Variants in TOX2 observed in about 807,000 individuals in gnomAD.
The protein encoded by TOX2 is granulosa cell HMG box 1.
In TOX2, 15 loss-of-function variants were observed where a neutral mutation model predicts 47.4. That is an observed-to-expected ratio of 0.32 (90% CI 0.21 to 0.49). TOX2 has a LOEUF of 0.49. Among genes scored for constraint, TOX2 ranks in the 20% least tolerant of loss-of-function variants. The probability of loss-of-function intolerance (pLI) is 0.99; values close to 1 mark genes in which losing one functional copy is unlikely to be tolerated. For missense variants in TOX2, 622 were observed against 673.1 expected (o/e 0.92, Z 0.84); for synonymous variants, 290 against 296.6 (o/e 0.98, Z 0.23).
chr20:44,039,715 T>C (rs2071301260), intron 3 of TOX2, among the ~76,000 whole-genome samples: 1 of 152,176 alleles, frequency 6.6e-6, no homozygotes, highest in South Asian at 2.1e-4. Context: ...GTGGATGTGA[T>C]CCGGGAAGGA....
intron 1 of TOX2, among the ~76,000 whole-genome samples, chr20:43,966,365 A>G (rs970593048): frequency 1.3e-5 from 2 of 152,174 alleles, no homozygotes; most frequent in Non-Finnish European, 1.5e-5. Context: ...TTAAGGTTGG[A>G]GTTTGTAGCC....
chr20:43,951,469 C>T lies in TOX2; in HGVS notation c.100-21898C>T, dbSNP rs60922020. 8.6e-3 allele frequency among the ~76,000 whole-genome samples: 1,311 copies of T among 151,784 alleles called. 22 individuals are homozygous for T. Among genetic ancestry groups the T allele is most frequent in the African/African-American group, 0.03 (1,245 of 41,382 alleles). ...GCGCACACCTGTAATCCCAGCTACT[C>T]GGGAGGCTGAGGCAGGAGAATCACT... On this transcript the variant is annotated intron_variant, in intron 1 of 8. Transcript: ENST00000341197.
intron 5 of TOX2, among the ~76,000 whole-genome samples, chr20:44,056,688 CTTTTACTTAATGCGTTA>C (rs2071624439): frequency 1.3e-5 from 2 of 152,120 alleles, no homozygotes; most frequent in Admixed American, 6.5e-5. Context: ...TTAATGCGTT[CTTTTACTTAATGCGTTA>C]TAAATGGCTT....
chr20:43,944,719 C>A (rs1181775526), intron 1 of TOX2, among the ~76,000 whole-genome samples: 1 of 152,206 alleles, frequency 6.6e-6, no homozygotes, highest in African/African-American at 2.4e-5. Context: ...CCTCTCAGCT[C>A]TGTGGTGCTT....
chr20:44,052,777 G>GC (rs1312188454), intron 4 of TOX2, among the ~76,000 whole-genome samples: 1 of 152,176 alleles, frequency 6.6e-6, no homozygotes, highest in African/African-American at 2.4e-5. Context: ...CTAGTAAGTG[G>GC]GGGGAACCAG....
intron 3 of TOX2, among the ~76,000 whole-genome samples, chr20:44,045,901 A>C (rs890596473): frequency 5.3e-5 from 8 of 152,242 alleles, no homozygotes. Flanking sequence ...AGCTGATTTG[A>C]TCTTGAGGAG....
chr20:43,968,499 C>G (rs575432462), intron 1 of TOX2, among the ~76,000 whole-genome samples: 15 of 152,240 alleles, frequency 9.9e-5, no homozygotes, highest in Non-Finnish European at 1.9e-4. Flanking sequence ...GCTCTTTTCC[C>G]TGAGGGGACC....
chr20:44,023,335 CAGG>C (rs1249637089), intron 3 of TOX2, among the ~76,000 whole-genome samples: 2 of 144,198 alleles, frequency 1.4e-5, no homozygotes, highest in South Asian at 2.2e-4. Flanking sequence ...GAGGCTGAGG[CAGG>C]AGAATTACTT....
intron 1 of TOX2, among the ~76,000 whole-genome samples, chr20:43,928,136 G>A (rs1005022061): frequency 2.0e-5 from 3 of 152,166 alleles, no homozygotes; most frequent in African/African-American, 7.2e-5. Context: ...ATATGCAAAG[G>A]CATAGAAGGT....
chr20:44,050,019 T>G (rs906073061), intron 3 of TOX2, among the ~76,000 whole-genome samples: 1 of 152,228 alleles, frequency 6.6e-6, no homozygotes, highest in African/African-American at 2.4e-5. Context: ...ATGGGATTGC[T>G]GGGTCAAATG....
At chr20:43,933,669 T>G (rs531076090) in intron 1 of TOX2, among the ~76,000 whole-genome samples, 1 of 152,292 alleles carries the variant, frequency 6.6e-6, no homozygotes, top group South Asian at 2.1e-4. Flanking sequence ...ACCTGGAGGC[T>G]GGGGTGTTGC....
At chr20:44,064,956 T>A in intron 6 of TOX2, 99 bp downstream of exon 6, 1 of 1,132,358 alleles carries the variant, frequency 8.8e-7, no homozygotes, top group Non-Finnish European at 1.3e-6. Flanking sequence ...GCACCCCAGG[T>A]CTTAGAAAGA....
intron 1 of TOX2, among the ~76,000 whole-genome samples, chr20:43,919,507 AT>A (rs947245019): frequency 1.3e-5 from 2 of 152,042 alleles, no homozygotes; most frequent in Admixed American, 1.3e-4. Context: ...AGCTGGCAAG[AT>A]TTTTTTTAAA....
At chr20:43,938,805 G>A (rs1247413581) in intron 1 of TOX2, among the ~76,000 whole-genome samples, 1 of 152,326 alleles carries the variant, frequency 6.6e-6, no homozygotes, top group Non-Finnish European at 1.5e-5. Flanking sequence ...CTGCATTGAG[G>A]GGGTGACTGG....
At chr20:44,054,669 T>G (rs2071586657) in intron 5 of TOX2, 143 bp downstream of exon 5, 12 of 878,802 alleles carry the variant, frequency 1.4e-5, no homozygotes, top group Admixed American at 4.8e-5. Flanking sequence ...GTTGCCCATC[T>G]GTAAACTGGG....
At chr20:43,980,738 G>T (rs570248964) in intron 2 of TOX2, among the ~76,000 whole-genome samples, 1 of 151,978 alleles carries the variant, frequency 6.6e-6, no homozygotes, top group East Asian at 1.9e-4. Flanking sequence ...CAAACCTTAA[G>T]GTATACTTTA....
chr20:44,038,447 A>G (rs1005538146), intron 3 of TOX2, among the ~76,000 whole-genome samples: 11 of 152,190 alleles, frequency 7.2e-5, no homozygotes, highest in African/African-American at 2.7e-4. Context: ...TAAGAGCACA[A>G]TTGAACATAG....
intron 3 of TOX2, among the ~76,000 whole-genome samples, chr20:44,017,415 G>A (rs1392266736): frequency 1.3e-5 from 2 of 152,186 alleles, no homozygotes; most frequent in East Asian, 3.9e-4. Flanking sequence ...TTTCCCTGGG[G>A]CTGTTATTTC....
intron 8 of TOX2, among the ~76,000 whole-genome samples, chr20:44,068,172 CTCAAAAG>C (rs2071867592): frequency 6.6e-6 from 1 of 152,118 alleles, no homozygotes; most frequent in Admixed American, 6.5e-5. Context: ...AAGTTTCCTT[CTCAAAAG>C]TCAGAATACT....
Sources: gnomAD v4.1 joint callset for allele counts (sites outside exome capture counted in the v4.1 genomes callset) on GRCh38, gnomAD v4.1.1 for gene constraint, MANE v1.5 for transcripts, NCBI Gene and HGNC (gene_info 2026-07-23, HGNC 2026-07-21) for gene names.